ADARB2: variants seen among roughly 807,000 people sequenced by gnomAD.
ADARB2 encodes inactive double-stranded RNA-specific editase B2.
ADARB2 carries 25 observed loss-of-function variants against 62.2 expected under a neutral mutation model. The observed-to-expected ratio is 0.40, with a 90% CI of 0.29 to 0.56. The LOEUF (loss-of-function observed/expected upper bound fraction) is 0.56, where lower values mean the gene tolerates loss of function less well. ADARB2 is among the 20% of genes least tolerant of loss of function. The probability of loss-of-function intolerance (pLI) is 0.43; values close to 1 mark genes in which losing one functional copy is unlikely to be tolerated. For synonymous variants in ADARB2, 572 were observed against 500.8 expected (o/e 1.14, Z -1.90); for missense variants, 1,071 against 1,077.4 (o/e 0.99, Z 0.08).
intron 1 of ADARB2, among the ~76,000 whole-genome samples, chr10:1,628,281 C>T (rs769471387): frequency 1.3e-5 from 2 of 152,236 alleles, no homozygotes; most frequent in Non-Finnish European, 2.9e-5. Flanking sequence ...GCACACAACC[C>T]TGCTAGCCGT....
intron 1 of ADARB2, among the ~76,000 whole-genome samples, chr10:1,684,439 C>T (rs570563300): frequency 7.9e-5 from 12 of 152,260 alleles, no homozygotes; most frequent in Middle Eastern, 3.4e-3. Flanking sequence ...CACACACACA[C>T]ATATATATTC....
chr10:1,422,739 T>C (rs1308589935), intron 1 of ADARB2, among the ~76,000 whole-genome samples: 1 of 152,212 alleles, frequency 6.6e-6, no homozygotes, highest in Non-Finnish European at 1.5e-5. Flanking sequence ...TCTGTCAATG[T>C]GTCACCAAGC....
rs114492235 is a variant in ADARB2, at chr10:1,571,250, A to T, written c.100+165801T>A. Among the ~76,000 whole-genome samples, 578 of 152,076 alleles carry T rather than the reference A, an allele frequency of 3.8e-3. 5 individuals are homozygous for T. The highest frequency in any genetic ancestry group is 0.013 in the African/African-American group (547 of 41,472). On this transcript the variant is annotated intron_variant, in intron 1 of 9. Coordinates refer to ENST00000381312, the MANE Select transcript of ADARB2 (RefSeq NM_018702.4). ...CAGAGCAAAACTGGGATCATACTGTATACTTTTAGAAGTGTAACTTTTGAT... is the reference window on the plus strand; with the variant it reads ...CAGAGCAAAACTGGGATCATACTGTTTACTTTTAGAAGTGTAACTTTTGAT...
At chr10:1,342,039 G>A (rs1832034607) in intron 3 of ADARB2, among the ~76,000 whole-genome samples, 1 of 152,244 alleles carries the variant, frequency 6.6e-6, no homozygotes, top group Non-Finnish European at 1.5e-5. Flanking sequence ...TTTCAGCCAG[G>A]TTTTGTCTGG....
chr10:1,711,530 T>G (rs1196007758), intron 1 of ADARB2, among the ~76,000 whole-genome samples: 1 of 152,196 alleles, frequency 6.6e-6, no homozygotes, highest in Non-Finnish European at 1.5e-5. Flanking sequence ...GATTCCTTAC[T>G]AAGGTGTTTT....
chr10:1,444,744 C>G (rs1830947513), intron 1 of ADARB2, among the ~76,000 whole-genome samples: 1 of 150,410 alleles, frequency 6.6e-6, no homozygotes, highest in African/African-American at 2.4e-5. Flanking sequence ...ATCCATCCAT[C>G]CATCCACCCA....
intron 1 of ADARB2, among the ~76,000 whole-genome samples, chr10:1,411,878 A>G (rs1832762850): frequency 6.6e-6 from 1 of 152,244 alleles, no homozygotes; most frequent in African/African-American, 2.4e-5. Context: ...CCAAAATTTG[A>G]AAGACATTGC....
chr10:1,280,030 G>A lies in ADARB2; in HGVS notation c.1078-8961C>T, dbSNP rs1831356393. On this transcript the variant is annotated intron_variant, in intron 3 of 9. Transcript: ENST00000381312. ...ATGCAAGAAGGATGTGAATTTGGGG[G>A]AGGTCAGGGACAGGATGTTCTCAAC... Among the ~76,000 whole-genome samples the A allele has an allele frequency of 2.6e-5, 4 of 152,328 alleles. No individual in the cohort carries two copies. The South Asian group carries it at 8.3e-4, about 32-fold the overall frequency.
chr10:1,665,055 G>A (rs748845787), intron 1 of ADARB2, among the ~76,000 whole-genome samples: 6 of 152,222 alleles, frequency 3.9e-5, no homozygotes, highest in East Asian at 3.9e-4. Flanking sequence ...AGGAGCCCCC[G>A]TATTTTGTCA....
chr10:1,548,060 C>A (rs1041454931), intron 1 of ADARB2, among the ~76,000 whole-genome samples: 32 of 151,948 alleles, frequency 2.1e-4, no homozygotes, highest in Non-Finnish European at 2.9e-4. Context: ...GGAGTCTGAG[C>A]TGCTGTGGTC....
chr10:1,630,977 AAAC>A (rs1564352214), intron 1 of ADARB2, among the ~76,000 whole-genome samples: 2 of 151,864 alleles, frequency 1.3e-5, no homozygotes, highest in Non-Finnish European at 2.9e-5. Context: ...ACAAACAAAC[AAAC>A]AAACAAACAA....
intron 1 of ADARB2, among the ~76,000 whole-genome samples, chr10:1,529,126 CAAAT>C (rs1832187033): frequency 7.0e-6 from 1 of 143,844 alleles, no homozygotes; most frequent in East Asian, 2.3e-4. Flanking sequence ...ATCCCCAACA[CAAAT>C]CCTCCAATCA....
chr10:1,632,638 C>T (rs1016250929), intron 1 of ADARB2, among the ~76,000 whole-genome samples: 1 of 152,198 alleles, frequency 6.6e-6, no homozygotes, highest in Admixed American at 6.5e-5. Flanking sequence ...TGCCCTAAAG[C>T]CCTGAGAAGT....
At chr10:1,368,610 A>C (rs1832334490) in intron 2 of ADARB2, among the ~76,000 whole-genome samples, 1 of 152,128 alleles carries the variant, frequency 6.6e-6, no homozygotes, top group South Asian at 2.1e-4. Context: ...CTCCCTCAGA[A>C]GGGCCGAGAG....
intron 1 of ADARB2, among the ~76,000 whole-genome samples, chr10:1,572,996 C>T (rs1356559611): frequency 6.6e-6 from 1 of 152,246 alleles, no homozygotes; most frequent in Admixed American, 6.5e-5. Context: ...TTTACATGGC[C>T]AGAGTGGCCC....
chr10:1,197,288 TA>T (rs1178584799), intron 8 of ADARB2, among the ~76,000 whole-genome samples: 4 of 151,902 alleles, frequency 2.6e-5, no homozygotes, highest in African/African-American at 7.3e-5. Flanking sequence ...TCTGGACTCA[TA>T]AAAAAAATGG....
intron 1 of ADARB2, among the ~76,000 whole-genome samples, chr10:1,573,778 ACTGGG>A (rs948907356): frequency 6.6e-6 from 1 of 152,152 alleles, no homozygotes; most frequent in African/African-American, 2.4e-5. Flanking sequence ...GGGGGCCAGG[ACTGGG>A]GCACCCTGGG....
At position 1,347,990 on chromosome 10, in the gene ADARB2, TGAGA is replaced by T. The variant is rs372823995; in HGVS notation, c.1077+15034_1077+15037del. Among the ~76,000 whole-genome samples, 617 of 149,920 alleles carry T rather than the reference TGAGA, an allele frequency of 4.1e-3. 1 individual carries two copies. Among genetic ancestry groups the T allele is most frequent in the African/African-American group, 0.012 (497 of 40,678 alleles). ...GACAGAGACGGAGACAGAGAGATAC[TGAGA>T]GAGAGAGACAGAGACAAACAGAGAC... On this transcript the variant is annotated intron_variant, in intron 3 of 9. Coordinates refer to ENST00000381312, the MANE Select transcript of ADARB2 (RefSeq NM_018702.4).
At chr10:1,537,837 A>G (rs11250602) in intron 1 of ADARB2, among the ~76,000 whole-genome samples, 46,307 of 151,982 alleles carry the variant, frequency 0.3, 7,979 homozygotes, top group East Asian at 0.6. Context: ...GGGGAGGGAC[A>G]GCATTAGGAC....
Sources: gnomAD v4.1 joint callset for allele counts (sites outside exome capture counted in the v4.1 genomes callset) on GRCh38, gnomAD v4.1.1 for gene constraint, MANE v1.5 for transcripts, NCBI Gene and HGNC (gene_info 2026-07-23, HGNC 2026-07-21) for gene names.